Variants in PTPRD observed in about 807,000 individuals in gnomAD.
PTPRD encodes the protein protein tyrosine phosphatase receptor type D.
Under a neutral mutation model 214.5 loss-of-function variants are expected in PTPRD, and 34 were observed. That is an observed-to-expected ratio of 0.16 (90% confidence interval 0.12 to 0.21). PTPRD has a LOEUF of 0.21. PTPRD is among the 10% of genes least tolerant of loss of function. PTPRD has a pLI of 1.00. For missense variants in PTPRD, 2,545 were observed against 2,398.7 expected (o/e 1.06, Z -1.27); for synonymous variants, 1,128 against 845.7 (o/e 1.33, Z -5.79).
At chr9:8,783,333 T>C (rs2095813753) in intron 11 of PTPRD, among the ~76,000 whole-genome samples, 1 of 152,224 alleles carries the variant, frequency 6.6e-6, no homozygotes, top group Non-Finnish European at 1.5e-5. Flanking sequence ...TTCCTAGTAT[T>C]AGTAACTTTC....
At chr9:8,706,049 G>C (rs943095604) in intron 12 of PTPRD, among the ~76,000 whole-genome samples, 1 of 151,996 alleles carries the variant, frequency 6.6e-6, no homozygotes, top group Non-Finnish European at 1.5e-5. Context: ...AAAAGTACAG[G>C]ACTCAAATTC....
chr9:9,407,912 T>C (rs2074072672), intron 8 of PTPRD, among the ~76,000 whole-genome samples: 1 of 151,738 alleles, frequency 6.6e-6, no homozygotes, highest in Admixed American at 6.6e-5. Context: ...TAAGGAAAAA[T>C]TATAGTGTAG....
At chr9:8,724,692 G>T (rs563116392) in intron 12 of PTPRD, among the ~76,000 whole-genome samples, 1 of 152,136 alleles carries the variant, frequency 6.6e-6, no homozygotes, top group Admixed American at 6.5e-5. Context: ...TCAGCACGTC[G>T]GGAGGCCAAG....
chr9:10,479,976 C>T (rs892348810), intron 2 of PTPRD, among the ~76,000 whole-genome samples: 4 of 151,934 alleles, frequency 2.6e-5, no homozygotes, highest in Non-Finnish European at 5.9e-5. Context: ...ATTTTCTACC[C>T]CTAATAAAAA....
chr9:8,823,565 C>A (rs138144568), intron 11 of PTPRD, among the ~76,000 whole-genome samples: 1 of 152,026 alleles, frequency 6.6e-6, no homozygotes, highest in Non-Finnish European at 1.5e-5. Flanking sequence ...GCGGGAAGAT[C>A]ACCTGGGCCA....
At chr9:8,447,223 A>G (rs77825036) in intron 34 of PTPRD, among the ~76,000 whole-genome samples, 15,451 of 151,664 alleles carry the variant, frequency 0.1, 915 homozygotes, top group Middle Eastern at 0.19. Context: ...CTCTTATCTC[A>G]TTTTGTCTAC....
intron 11 of PTPRD, among the ~76,000 whole-genome samples, chr9:8,932,503 G>A (rs986739330): frequency 7.9e-5 from 12 of 152,190 alleles, no homozygotes; most frequent in African/African-American, 2.9e-4. Context: ...TCTGTCGCAG[G>A]GAGATGGGAG....
chr9:10,204,930 C>A (rs1410031479), intron 3 of PTPRD, among the ~76,000 whole-genome samples: 1 of 152,044 alleles, frequency 6.6e-6, no homozygotes, highest in Non-Finnish European at 1.5e-5. Flanking sequence ...CTGTGAAGTG[C>A]CAAATCAAAT....
At chr9:10,018,100 A>G (rs2096761064) in intron 4 of PTPRD, among the ~76,000 whole-genome samples, 1 of 152,114 alleles carries the variant, frequency 6.6e-6, no homozygotes, top group African/African-American at 2.4e-5. Context: ...TTATTAGGTT[A>G]TGAAATCCCC....
chr9:10,280,326 T>C (rs1022715116), intron 3 of PTPRD, among the ~76,000 whole-genome samples: 7 of 149,446 alleles, frequency 4.7e-5, no homozygotes, highest in African/African-American at 1.8e-4. Flanking sequence ...GAGAAGTAGA[T>C]GAAGTAGGAG....
intron 2 of PTPRD, among the ~76,000 whole-genome samples, chr9:10,558,883 G>A (rs1005052771): frequency 2.0e-5 from 3 of 152,058 alleles, no homozygotes; most frequent in Non-Finnish European, 4.4e-5. Context: ...ACACAGTCTT[G>A]GAATTGCAAC....
intron 33 of PTPRD, chr9:8,451,903 T>C (rs772851979): frequency 2.0e-6 from 1 of 501,230 alleles, no homozygotes. Flanking sequence ...CTTACAGGTA[T>C]TGTAGGGTAA....
intron 3 of PTPRD, among the ~76,000 whole-genome samples, chr9:10,289,246 G>A (rs1197422777): frequency 6.6e-6 from 1 of 152,086 alleles, no homozygotes; most frequent in Non-Finnish European, 1.5e-5. Context: ...ATTATTTTAT[G>A]TATTTATTAA....
intron 2 of PTPRD, among the ~76,000 whole-genome samples, chr9:10,390,703 C>G: frequency 6.6e-6 from 1 of 151,692 alleles, no homozygotes; most frequent in East Asian, 2.0e-4. Flanking sequence ...GAAAGGGGCT[C>G]TCTGAGACTA....
At chr9:9,325,515 A>T (rs1219982074) in intron 9 of PTPRD, among the ~76,000 whole-genome samples, 1 of 152,074 alleles carries the variant, frequency 6.6e-6, no homozygotes, top group African/African-American at 2.4e-5. Context: ...GTGTATAGGA[A>T]TGCTTGTTAT....
At chr9:9,054,388 T>C (rs908418450) in intron 10 of PTPRD, among the ~76,000 whole-genome samples, 4 of 152,210 alleles carry the variant, frequency 2.6e-5, no homozygotes, top group African/African-American at 9.6e-5. Context: ...AATTTTTTGG[T>C]ATTATTCAGT....
rs562832877 is a variant in PTPRD, at chr9:10,612,980, C to A, written c.-1000G>T. ...ACTCGCTCGCTCGCTCGCTGGCGCT[C>A]CCTCCTCGTCTCGCTCGCACTCACA... On this transcript the variant is annotated 5_prime_UTR_variant, in exon 1 of 46. Transcript: ENST00000381196. Among the ~76,000 whole-genome samples the A allele has an allele frequency of 3.2e-4, 49 of 151,484 alleles. 1 individual carries two copies. In the East Asian group the frequency reaches 8.4e-3, roughly 26 times the overall value.
At chr9:10,403,989 A>G (rs572439324) in intron 2 of PTPRD, among the ~76,000 whole-genome samples, 1 of 151,676 alleles carries the variant, frequency 6.6e-6, no homozygotes, top group East Asian at 2.0e-4. Context: ...CCTAATGGAA[A>G]CCATGGACTT....
chr9:10,027,652 T>C (rs1222668233), intron 4 of PTPRD, among the ~76,000 whole-genome samples: 2 of 152,164 alleles, frequency 1.3e-5, no homozygotes, highest in Non-Finnish European at 2.9e-5. Flanking sequence ...ATTGAAAAAT[T>C]TTGAGCATTG....
Sources: gnomAD v4.1 joint callset for allele counts (sites outside exome capture counted in the v4.1 genomes callset) on GRCh38, gnomAD v4.1.1 for gene constraint, MANE v1.5 for transcripts, NCBI Gene and HGNC (gene_info 2026-07-23, HGNC 2026-07-21) for gene names.